The following ASIC2 variants were observed in gnomAD, a reference collection of about 807,000 sequenced individuals.
The protein encoded by ASIC2 is acid-sensing ion channel 2.
Under a neutral mutation model 57.3 loss-of-function variants are expected in ASIC2, and 25 were observed. That is an observed-to-expected ratio of 0.44 (90% CI 0.32 to 0.61). ASIC2 has a LOEUF of 0.61. Ranked by LOEUF, ASIC2 falls within the 20% of genes least tolerant of loss-of-function variation. The pLI is 0.06. For synonymous variants in ASIC2, 319 were observed against 307.5 expected, an observed-to-expected ratio of 1.04 and a Z score of -0.39; for missense variants, 641 against 738.1, an observed-to-expected ratio of 0.87 and a Z score of 1.52.
At chr17:33,678,197 C>CT (rs920032381) in intron 1 of ASIC2, among the ~76,000 whole-genome samples, 6 of 152,058 alleles carry the variant, frequency 3.9e-5, no homozygotes, top group Non-Finnish European at 8.8e-5. Context: ...TAAGGGCTGA[C>CT]TTTTTTTAGA....
At chr17:33,035,854 C>T (rs964289532) in intron 3 of ASIC2, among the ~76,000 whole-genome samples, 3 of 152,152 alleles carry the variant, frequency 2.0e-5, no homozygotes, top group African/African-American at 7.2e-5. Flanking sequence ...TCTGTGGGTT[C>T]CTCTTTTCTA....
intron 1 of ASIC2, among the ~76,000 whole-genome samples, chr17:33,622,181 A>T (rs1279709621): frequency 6.6e-6 from 1 of 152,050 alleles, no homozygotes; most frequent in Non-Finnish European, 1.5e-5. Context: ...ACTGAAGGTG[A>T]TGTGTACAAA....
intron 1 of ASIC2, chr17:33,634,713 T>C (rs1906296477): frequency 1.4e-5 from 1 of 69,340 alleles, no homozygotes; most frequent in African/African-American, 5.9e-5. Context: ...TTTCTTTCTT[T>C]TTTTTTTTTT....
intron 1 of ASIC2, among the ~76,000 whole-genome samples, chr17:33,736,198 G>A (rs1242720876): frequency 6.6e-6 from 1 of 151,880 alleles, no homozygotes; most frequent in South Asian, 2.1e-4. Flanking sequence ...GGCCACCTGG[G>A]GAATTTATTT....
At chr17:33,299,456 C>G (rs761512423) in intron 1 of ASIC2, among the ~76,000 whole-genome samples, 25 of 152,176 alleles carry the variant, frequency 1.6e-4, no homozygotes, top group Non-Finnish European at 2.8e-4. Context: ...CCCTTCCTTC[C>G]ACCATGGAAC....
At chr17:34,132,790 G>A (rs1912028334) in intron 1 of ASIC2, among the ~76,000 whole-genome samples, 1 of 152,188 alleles carries the variant, frequency 6.6e-6, no homozygotes, top group African/African-American at 2.4e-5. Flanking sequence ...TAGGTAACAA[G>A]TGTGTGTGTA....
chr17:33,372,668 T>A (rs886325350), intron 1 of ASIC2, among the ~76,000 whole-genome samples: 8 of 152,126 alleles, frequency 5.3e-5, no homozygotes, highest in Non-Finnish European at 7.4e-5. Context: ...GCTCTCTTCC[T>A]GAGTCCCCAG....
At chr17:33,405,764 GA>G (rs1187242884) in intron 1 of ASIC2, among the ~76,000 whole-genome samples, 2 of 151,980 alleles carry the variant, frequency 1.3e-5, no homozygotes, top group Non-Finnish European at 2.9e-5. Flanking sequence ...TTACAGGCTT[GA>G]GCCACCACAC....
In ASIC2 at chr17:33,474,131, C is replaced by T. The variant is rs1419990749; in HGVS notation, c.556-362064G>A. On this transcript the variant is annotated intron_variant, in intron 1 of 9. Transcript: ENST00000359872. ...CCTGTAATCCCAGCACTTTGGGAGGCTGAGGCAAGCGAATCATCTGAGGTC... is the reference window on the plus strand; with the variant it reads ...CCTGTAATCCCAGCACTTTGGGAGGTTGAGGCAAGCGAATCATCTGAGGTC... 2.6e-5 allele frequency among the ~76,000 whole-genome samples: 4 copies of T among 152,298 alleles called. No individual in the cohort carries two copies. In the East Asian group the frequency reaches 7.7e-4, roughly 29 times the overall value.
chr17:33,820,872 G>A lies in ASIC2; in HGVS notation c.555+335106C>T, dbSNP rs1028335987. Among the ~76,000 whole-genome samples, 16 of 151,998 alleles carry A rather than the reference G, an allele frequency of 1.1e-4. 1 individual carries two copies. Among genetic ancestry groups the A allele is most frequent in the Admixed American group, 8.5e-4 (13 of 15,264 alleles). The stretch of plus-strand genomic sequence containing the variant: ...ATTTCCTTTTACTTCACTTAAATGC[G>A]GCTGTTAGAAAACCTAAAATTACGT... On this transcript the variant is annotated intron_variant, in intron 1 of 9. Coordinates refer to the ASIC2 transcript ENST00000359872.
intron 1 of ASIC2, among the ~76,000 whole-genome samples, chr17:33,933,194 C>T (rs77536254): frequency 1.6e-4 from 25 of 152,184 alleles, no homozygotes; most frequent in Non-Finnish European, 2.9e-4. Context: ...CTCCCCTGGA[C>T]AGTTGCATGC....
At chr17:33,329,403 G>T (rs542103567) in intron 1 of ASIC2, among the ~76,000 whole-genome samples, 2 of 152,316 alleles carry the variant, frequency 1.3e-5, no homozygotes, top group Admixed American at 1.3e-4. Context: ...GGTTAATGAG[G>T]ATAGCAACCT....
chr17:33,738,335 A>T lies in ASIC2; in HGVS notation c.555+417643T>A, dbSNP rs116652634. On this transcript the variant is annotated intron_variant, in intron 1 of 9. Coordinates refer to the ASIC2 transcript ENST00000359872. ...TAGACAACTTTACATGGTGCTTGTC[A>T]TCCTTCCCCCAGACCTTCAGGATCC... 4.6e-5 allele frequency among the ~76,000 whole-genome samples: 7 copies of T among 152,332 alleles called. 1 individual carries two copies. In the South Asian group the frequency reaches 1.4e-3, roughly 32 times the overall value.
chr17:33,576,815 G>A (rs1211850216), intron 1 of ASIC2, among the ~76,000 whole-genome samples: 1 of 152,170 alleles, frequency 6.6e-6, no homozygotes, highest in Non-Finnish European at 1.5e-5. Context: ...ACCTGAACCA[G>A]GATCATACCG....
chr17:33,578,698 C>T (rs1916731005), intron 1 of ASIC2, among the ~76,000 whole-genome samples: 1 of 152,188 alleles, frequency 6.6e-6, no homozygotes, highest in Non-Finnish European at 1.5e-5. Context: ...TACACCAACT[C>T]TACAACTGAC....
rs181929911 is a variant in ASIC2 at position 33,831,353 on chromosome 17, G to A, written c.555+324625C>T. On this transcript the variant is annotated intron_variant, in intron 1 of 9. Transcript: ENST00000359872. ...AAAACACTGCCTAATGATCCCTCCC[G>A]GATCTCTTGTGGATTAAGTGTCCCT... 6.8e-4 allele frequency among the ~76,000 whole-genome samples: 103 copies of A among 151,832 alleles called. 2 individuals carry two copies. In the East Asian group the frequency reaches 0.017, roughly 26 times the overall value.
intron 1 of ASIC2, among the ~76,000 whole-genome samples, chr17:34,114,876 C>T (rs1018160291): frequency 2.0e-5 from 3 of 152,144 alleles, no homozygotes; most frequent in Non-Finnish European, 4.4e-5. Flanking sequence ...TGAAGTCCAG[C>T]AGGTGCCAGG....
chr17:33,340,743 T>G (rs547647492), intron 1 of ASIC2, among the ~76,000 whole-genome samples: 6 of 152,074 alleles, frequency 3.9e-5, no homozygotes, highest in Admixed American at 2.6e-4. Flanking sequence ...TGTATATGTG[T>G]GTCTCTGTGT....
rs371072776 is a variant in ASIC2 at position 33,866,923 on chromosome 17, G to C, written c.555+289055C>G. ...TTAAAGAAGCTCATTCATTCATTTGGATCCCAATGATTTCTGAATTGTGGT... is the reference window on the plus strand; with the variant it reads ...TTAAAGAAGCTCATTCATTCATTTGCATCCCAATGATTTCTGAATTGTGGT... On this transcript the variant is annotated intron_variant, in intron 1 of 9. Coordinates refer to the ASIC2 transcript ENST00000359872. 1.1e-4 allele frequency among the ~76,000 whole-genome samples: 17 copies of C among 152,320 alleles called. No individual in the cohort carries two copies. The East Asian group carries it at 1.9e-3, about 17-fold the overall frequency.
Sources: gnomAD v4.1 joint callset for allele counts (sites outside exome capture counted in the v4.1 genomes callset) on GRCh38, gnomAD v4.1.1 for gene constraint, MANE v1.5 for transcripts, NCBI Gene and HGNC (gene_info 2026-07-23, HGNC 2026-07-21) for gene names.